BCKDHB: variants seen among roughly 807,000 people sequenced by gnomAD.
BCKDHB encodes 2-oxoisovalerate dehydrogenase subunit beta, mitochondrial.
In BCKDHB, 41 loss-of-function variants were observed where a neutral mutation model predicts 48.5. The observed-to-expected ratio is 0.85, with a 90% CI of 0.66 to 1.10. The LOEUF is 1.10. BCKDHB is among the 50% of genes least tolerant of loss of function. The pLI, the probability that BCKDHB is intolerant of heterozygous loss-of-function variation, is 0.00. For missense variants in BCKDHB, 496 were observed against 494.2 expected, an observed-to-expected ratio of 1.00 and a Z score of -0.03; for synonymous variants, 201 against 174.8, an observed-to-expected ratio of 1.15 and a Z score of -1.18.
At chr6:80,439,673 T>G in the BCKDHB span, among the ~76,000 whole-genome samples, 1 of 152,208 alleles carries the variant, frequency 6.6e-6, no homozygotes, top group Non-Finnish European at 1.5e-5. Flanking sequence ...CTACTTAACA[T>G]TTTGAAAGTA....
chr6:80,288,622 T>A (rs1766747489), intron 9 of BCKDHB, among the ~76,000 whole-genome samples: 1 of 152,108 alleles, frequency 6.6e-6, no homozygotes, highest in Non-Finnish European at 1.5e-5. Context: ...ACTGTGTAGA[T>A]ACCCCTCCCC....
At chr6:80,202,905 C>G (rs1279708389) in intron 7 of BCKDHB, among the ~76,000 whole-genome samples, 197 bp from the exon 8 acceptor site, 1 of 152,070 alleles carries the variant, frequency 6.6e-6, no homozygotes, top group Non-Finnish European at 1.5e-5. Context: ...CTCTTTCCAT[C>G]TGTTTTCTAG....
At chr6:80,358,897 A>G in the BCKDHB span, among the ~76,000 whole-genome samples, 5 of 152,212 alleles carry the variant, frequency 3.3e-5, no homozygotes, top group African/African-American at 1.2e-4. Flanking sequence ...TTTTTAAAAG[A>G]GCTGCCTAGG....
intron 9 of BCKDHB, among the ~76,000 whole-genome samples, chr6:80,335,029 A>G (rs1184681788): frequency 6.6e-6 from 1 of 151,940 alleles, no homozygotes; most frequent in East Asian, 1.9e-4. Context: ...TTAGTCTTCA[A>G]ACTTAAAAAC....
chr6:80,336,504 CA>C lies in BCKDHB; in HGVS notation c.1039-7151del, dbSNP rs1212776239. ...ATCTTAGCAAAAAAAACCAAAAAAA[CA>C]AAAAAAAACCAAATTTACCAGATTG... On this transcript the variant is annotated intron_variant, in intron 9 of 9. Transcript: ENST00000320393. Among the ~76,000 whole-genome samples, 254 of 102,010 alleles carry C rather than the reference CA, an allele frequency of 2.5e-3. 1 individual carries two copies. The highest frequency in any genetic ancestry group is 6.7e-3 in the African/African-American group (221 of 32,776). 66.9% of individuals were successfully genotyped at this position (102,010 alleles called of 152,430 possible).
chr6:80,214,634 G>A (rs1175348140), intron 8 of BCKDHB, among the ~76,000 whole-genome samples: 1 of 152,170 alleles, frequency 6.6e-6, no homozygotes, highest in East Asian at 1.9e-4. Flanking sequence ...CTTAGGCCAA[G>A]TTTCATGGTT....
At chr6:80,364,186 A>G in the BCKDHB span, among the ~76,000 whole-genome samples, 9 of 152,216 alleles carry the variant, frequency 5.9e-5, no homozygotes, top group African/African-American at 9.6e-5. Flanking sequence ...TATCACTTAC[A>G]TATTTTTATT....
intron 3 of BCKDHB, among the ~76,000 whole-genome samples, chr6:80,135,680 A>G (rs1368845073): frequency 6.6e-6 from 1 of 152,164 alleles, no homozygotes; most frequent in Admixed American, 6.6e-5. Flanking sequence ...ATGGTCAAAT[A>G]TATATAACAT....
intron 9 of BCKDHB, among the ~76,000 whole-genome samples, chr6:80,285,720 T>C (rs1174710747): frequency 6.6e-6 from 1 of 152,130 alleles, no homozygotes; most frequent in Non-Finnish European, 1.5e-5. Flanking sequence ...TTTTGGGTAG[T>C]TTGTGCTTAT....
intron 6 of BCKDHB, among the ~76,000 whole-genome samples, chr6:80,192,475 A>T (rs1291065183): frequency 6.6e-6 from 1 of 152,214 alleles, no homozygotes; most frequent in Non-Finnish European, 1.5e-5. Context: ...AAAGGAATTC[A>T]AATATATTAA....
chr6:80,127,467 G>A (rs1770402551), intron 1 of BCKDHB, 80 bp from the exon 2 acceptor site: 2 of 1,118,394 alleles, frequency 1.8e-6, no homozygotes, highest in Admixed American at 3.4e-5. Flanking sequence ...TTTTAGTCAA[G>A]TTGTAATTAA....
intron 8 of BCKDHB, among the ~76,000 whole-genome samples, chr6:80,256,368 G>A (rs1777051462): frequency 1.3e-5 from 2 of 152,102 alleles, no homozygotes; most frequent in African/African-American, 4.8e-5. Flanking sequence ...CTATAAACCT[G>A]TGCGGCATGT....
intron 6 of BCKDHB, among the ~76,000 whole-genome samples, chr6:80,179,470 C>T (rs2081125222): frequency 6.6e-6 from 1 of 152,042 alleles, no homozygotes; most frequent in African/African-American, 2.4e-5. Flanking sequence ...TTGTATTAGG[C>T]ATTATAAGTA....
the BCKDHB span, among the ~76,000 whole-genome samples, chr6:80,389,184 C>G: frequency 2.6e-5 from 4 of 152,190 alleles, no homozygotes; most frequent in African/African-American, 9.7e-5. Context: ...TCTGTGGACA[C>G]CACTCCAGCT....
intron 8 of BCKDHB, among the ~76,000 whole-genome samples, chr6:80,220,049 G>A (rs930567444): frequency 9.2e-5 from 14 of 152,018 alleles, no homozygotes; most frequent in African/African-American, 3.4e-4. Flanking sequence ...TCTGGGAATG[G>A]CCTACATATT....
chr6:80,197,154 A>G (rs1470821264), intron 6 of BCKDHB, among the ~76,000 whole-genome samples: 1 of 152,220 alleles, frequency 6.6e-6, no homozygotes, highest in East Asian at 1.9e-4. Flanking sequence ...GCTCTCTTCT[A>G]GAAAGCACAT....
In BCKDHB at chr6:80,203,123, G is replaced by C. The variant is rs1210713694; in HGVS notation, c.862G>C (p.Ala288Pro). The part of the protein sequence containing the change: ...GTQVHVIREV[A>P]SMAKEKLGVS... Reference sequence around the variant, plus strand: ...TCAGGTTCATGTGATCCGAGAGGTAGCTTCCATGGCAAAAGAAAAGCTTGG... The same window carrying C: ...TCAGGTTCATGTGATCCGAGAGGTACCTTCCATGGCAAAAGAAAAGCTTGG... The change falls in exon 8 of 10, where the codon GCT (alanine) becomes CCT (proline). Residue 288 changes from alanine to proline, a missense_variant. By Grantham distance (27) the Ala-to-Pro change is conservative. Coordinates refer to ENST00000320393, the MANE Select transcript of BCKDHB (RefSeq NM_183050.4). The C allele has an allele frequency of 6.2e-7, 1 of 1,612,488 alleles. No individual in the cohort carries two copies. Among genetic ancestry groups the C allele is most frequent in the African/African-American group, 1.3e-5 (1 of 74,944 alleles).
At chr6:80,403,480 G>T in the BCKDHB span, among the ~76,000 whole-genome samples, 3 of 151,840 alleles carry the variant, frequency 2.0e-5, no homozygotes, top group Admixed American at 2.0e-4. Flanking sequence ...GTTTTTTGGT[G>T]GATTCTTTAG....
chr6:80,159,886 C>T (rs1327918041), intron 3 of BCKDHB, among the ~76,000 whole-genome samples: 3 of 152,174 alleles, frequency 2.0e-5, no homozygotes, highest in Non-Finnish European at 2.9e-5. Context: ...AAGGATATTC[C>T]GACCTATTCA....
Sources: allele counts gnomAD v4.1 joint callset (sites outside exome capture counted in the v4.1 genomes callset), GRCh38; gene constraint gnomAD v4.1.1; transcripts MANE v1.5; gene names NCBI Gene and HGNC (gene_info 2026-07-23, HGNC 2026-07-21).